COL24A1: variants seen among roughly 807,000 people sequenced by gnomAD.
COL24A1 encodes the protein collagen type XXIV alpha 1 chain, also known as collagen alpha-1(XXIV) chain.
COL24A1 carries 224 observed loss-of-function variants against 253.9 expected under a neutral mutation model. That is an observed-to-expected ratio of 0.88 (90% CI 0.79 to 0.99). COL24A1 has a LOEUF of 0.99. Among genes scored for constraint, COL24A1 ranks in the 50% least tolerant of loss-of-function variants. The pLI, the probability that COL24A1 is intolerant of heterozygous loss-of-function variation, is 0.00. For synonymous variants in COL24A1, 685 were observed against 673.7 expected, an observed-to-expected ratio of 1.02 and a Z score of -0.26; for missense variants, 2,131 against 2,068.5, an observed-to-expected ratio of 1.03 and a Z score of -0.59.
At chr1:85,822,281 C>T (rs1673714760) in intron 45 of COL24A1, among the ~76,000 whole-genome samples, 1 of 152,120 alleles carries the variant, frequency 6.6e-6, no homozygotes, top group Non-Finnish European at 1.5e-5. Flanking sequence ...AAGTGGAAAA[C>T]ACAAATATGG....
At chr1:85,746,656 G>A (rs1056391412) in intron 55 of COL24A1, among the ~76,000 whole-genome samples, 1 of 152,186 alleles carries the variant, frequency 6.6e-6, no homozygotes, top group Admixed American at 6.5e-5. Flanking sequence ...GCTTCCCTGA[G>A]GTAGTAAAAT....
At chr1:86,016,583 T>C (rs1571611247) in intron 19 of COL24A1, among the ~76,000 whole-genome samples, 1 of 152,222 alleles carries the variant, frequency 6.6e-6, no homozygotes, top group Non-Finnish European at 1.5e-5. Context: ...GTAGTATATC[T>C]TTGACTCATA....
At chr1:85,827,574 T>C (rs900895011) in intron 43 of COL24A1, among the ~76,000 whole-genome samples, 2 of 152,056 alleles carry the variant, frequency 1.3e-5, no homozygotes, top group Admixed American at 6.6e-5. Flanking sequence ...TTTTGGTTGG[T>C]AAGCTATTGA....
intron 9 of COL24A1, among the ~76,000 whole-genome samples, chr1:86,058,852 A>G (rs935120911): frequency 1.3e-5 from 2 of 152,134 alleles, no homozygotes; most frequent in African/African-American, 4.8e-5. Flanking sequence ...GGACTGTTTT[A>G]AGAACTTATT....
chr1:86,046,853 C>A lies in COL24A1; in HGVS notation c.1922G>T (p.Arg641Leu), dbSNP rs60891279. Reference protein sequence around the residue: ...PEGERGIPGIRGKKGFKGRQG... With the variant: ...PEGERGIPGILGKKGFKGRQG... ...TCTCCCCTTAAAACCCTTCTTTCCA[C>A]GGATCCCAGGAATGCCCTAGAATAT... Residue 641 changes from arginine (R) to leucine (L), a missense_variant, in exon 12 of 60, where the codon CGT becomes CTT. Transcript: ENST00000370571. The A allele has an allele frequency of 3.4e-5, 54 of 1,593,926 alleles. No individual in the cohort carries two copies. The African/African-American group carries it at 6.7e-4, about 20-fold the overall frequency.
chr1:85,830,569 G>C (rs1052534360), intron 43 of COL24A1, among the ~76,000 whole-genome samples: 1 of 152,122 alleles, frequency 6.6e-6, no homozygotes, highest in Non-Finnish European at 1.5e-5. Flanking sequence ...CTAGCAATCA[G>C]CGAGACTCCG....
intron 19 of COL24A1, among the ~76,000 whole-genome samples, chr1:86,014,000 T>C (rs1696773982): frequency 6.6e-6 from 1 of 152,220 alleles, no homozygotes; most frequent in Non-Finnish European, 1.5e-5. Flanking sequence ...AGATTTAGTT[T>C]CAAGACTAAG....
chr1:86,098,191 G>A (rs1027725518), intron 5 of COL24A1, among the ~76,000 whole-genome samples: 1 of 152,146 alleles, frequency 6.6e-6, no homozygotes, highest in Non-Finnish European at 1.5e-5. Context: ...AATTAAAGCA[G>A]AAATAGACCT....
chr1:85,981,877 G>C (rs116743540), intron 20 of COL24A1, among the ~76,000 whole-genome samples: 21 of 152,178 alleles, frequency 1.4e-4, no homozygotes, highest in East Asian at 5.8e-4. Context: ...ACAGGATCTC[G>C]CAGGAGTGCA....
intron 37 of COL24A1, among the ~76,000 whole-genome samples, chr1:85,864,721 T>C (rs540086616): frequency 6.6e-6 from 1 of 152,310 alleles, no homozygotes; most frequent in South Asian, 2.1e-4. Flanking sequence ...CTTAAGATAT[T>C]TACCTCTACC....
intron 20 of COL24A1, among the ~76,000 whole-genome samples, chr1:85,978,088 C>T (rs930248627): frequency 6.6e-6 from 1 of 152,142 alleles, no homozygotes; most frequent in Non-Finnish European, 1.5e-5. Context: ...CTTCCTCAAA[C>T]AAAATAATTA....
rs561549100 is a variant in COL24A1 at position 86,075,958 on chromosome 1, G to C, written c.1708-12199C>G. 4.4e-4 allele frequency among the ~76,000 whole-genome samples: 67 copies of C among 152,230 alleles called. 1 individual carries two copies. In the South Asian group the frequency reaches 0.013, roughly 31 times the overall value. On this transcript the variant is annotated intron_variant, in intron 7 of 59. Transcript: ENST00000370571. Reference sequence around the variant, plus strand: ...TATCATACTGAATGAGTAAAAGCTGGAAGTATTCCCTTTGAAAACCGGCAC... The same window carrying C: ...TATCATACTGAATGAGTAAAAGCTGCAAGTATTCCCTTTGAAAACCGGCAC...
At chr1:85,858,710 G>T (rs1355785523) in intron 37 of COL24A1, among the ~76,000 whole-genome samples, 1 of 126,802 alleles carries the variant, frequency 7.9e-6, no homozygotes, top group Non-Finnish European at 1.6e-5. Flanking sequence ...CTCCGTCCCT[G>T]CTTCCCTTCT....
intron 24 of COL24A1, among the ~76,000 whole-genome samples, chr1:85,938,098 G>A (rs918971906): frequency 6.8e-6 from 1 of 147,484 alleles, no homozygotes; most frequent in Non-Finnish European, 1.5e-5. Flanking sequence ...AGGAGGTGAT[G>A]CTTTATGAGG....
chr1:85,729,560 T>G lies in COL24A1; in HGVS notation c.*986A>C, dbSNP rs1189823456. On this transcript the variant is annotated 3_prime_UTR_variant, in exon 60 of 60. Transcript: ENST00000370571. Reference sequence around the variant, plus strand: ...TTTCTACAAAGCAGAAATATAAAGGTTTTATAATTTAAAACAGCAGCAATT... The same window carrying G: ...TTTCTACAAAGCAGAAATATAAAGGGTTTATAATTTAAAACAGCAGCAATT... The G allele has an allele frequency of 6.6e-6, 1 of 151,376 alleles. No individual in the cohort carries two copies. The highest frequency in any genetic ancestry group is 2.4e-5 in the African/African-American group (1 of 41,008). 9.4% of individuals were successfully genotyped at this position (151,376 alleles called of 1,614,324 possible). A position where few individuals can be genotyped will look rare whatever the true frequency, so the allele number is the denominator to read the frequency against.
At chr1:85,760,813 G>A (rs1391657529) in intron 55 of COL24A1, among the ~76,000 whole-genome samples, 1 of 152,178 alleles carries the variant, frequency 6.6e-6, no homozygotes, top group Non-Finnish European at 1.5e-5. Flanking sequence ...TGCGGAATAT[G>A]AGAGTGGATA....
intron 55 of COL24A1, among the ~76,000 whole-genome samples, chr1:85,759,159 T>C (rs949486193): frequency 2.0e-5 from 3 of 152,190 alleles, no homozygotes; most frequent in Admixed American, 2.0e-4. Context: ...TTTATAGACA[T>C]TGTTTCTCTC....
Position 85,961,305 on chromosome 1 carries a change from G to A in COL24A1, c.2518-12C>T. ...TCTCCTACTTCTCCCTGTCAAAAAA[G>A]AATATAAAGTTGCAAAAACAGTTAT... On this transcript the variant is annotated splice_polypyrimidine_tract_variant and intron_variant, in intron 23 of 59. Transcript: ENST00000370571. 1 of 1,595,002 alleles carries A rather than the reference G, an allele frequency of 6.3e-7. No homozygotes were observed. The highest frequency in any genetic ancestry group is 8.6e-7 in the Non-Finnish European group (1 of 1,165,418).
intron 8 of COL24A1, among the ~76,000 whole-genome samples, chr1:86,061,906 T>TA (rs1403993663): frequency 6.6e-6 from 1 of 152,076 alleles, no homozygotes; most frequent in Non-Finnish European, 1.5e-5. Context: ...TAATCTCACT[T>TA]AAAATACACA....
Sources: allele counts gnomAD v4.1 joint callset (sites outside exome capture counted in the v4.1 genomes callset), GRCh38; gene constraint gnomAD v4.1.1; transcripts MANE v1.5; gene names NCBI Gene and HGNC (gene_info 2026-07-23, HGNC 2026-07-21).